UPP2: variants seen among roughly 807,000 people sequenced by gnomAD.
UPP2 encodes uridine phosphorylase 2, also known as UPase 2.
In UPP2, 23 loss-of-function variants were observed where a neutral mutation model predicts 26.7. That is an observed-to-expected ratio of 0.86 (90% confidence interval 0.62 to 1.22). The LOEUF is 1.22. Among genes scored for constraint, UPP2 ranks in the 50% most tolerant of loss-of-function variants. UPP2 has a pLI of 0.00. For synonymous variants in UPP2, 127 were observed against 141.3 expected (o/e 0.90, Z 0.72); for missense variants, 387 against 396.7 (o/e 0.98, Z 0.21).
intron 3 of UPP2, among the ~76,000 whole-genome samples, chr2:158,076,465 G>A (rs1682631545): frequency 6.6e-6 from 1 of 151,824 alleles, no homozygotes; most frequent in Non-Finnish European, 1.5e-5. Flanking sequence ...TTAAAAGACT[G>A]TTCATCATGA....
intron 3 of UPP2, among the ~76,000 whole-genome samples, chr2:158,041,467 G>A (rs1053173204): frequency 7.4e-6 from 1 of 135,962 alleles, no homozygotes; most frequent in African/African-American, 3.1e-5. Context: ...TTCCCCGAGA[G>A]TCTCTTTTAA....
At chr2:158,017,982 G>A (rs957206654) in intron 3 of UPP2, among the ~76,000 whole-genome samples, 1 of 152,088 alleles carries the variant, frequency 6.6e-6, no homozygotes, top group African/African-American at 2.4e-5. Flanking sequence ...ATACAGTTTG[G>A]TCTTTACCTT....
chr2:158,034,080 T>C (rs1683965065), intron 3 of UPP2, among the ~76,000 whole-genome samples: 1 of 152,200 alleles, frequency 6.6e-6, no homozygotes, highest in African/African-American at 2.4e-5. Flanking sequence ...AAGTGGATAC[T>C]TTTCAAGCTA....
At chr2:158,075,591 T>C (rs1230598652) in intron 3 of UPP2, among the ~76,000 whole-genome samples, 1 of 152,044 alleles carries the variant, frequency 6.6e-6, no homozygotes, top group Non-Finnish European at 1.5e-5. Context: ...GAATGACCAT[T>C]GGGTCAATGA....
chr2:158,075,403 C>A (rs1035963888), intron 3 of UPP2, among the ~76,000 whole-genome samples: 3 of 151,794 alleles, frequency 2.0e-5, no homozygotes, highest in African/African-American at 2.4e-5. Flanking sequence ...CATTTTTCTC[C>A]TCAGCATATC....
chr2:158,067,244 T>A (rs1682451205), intron 3 of UPP2, among the ~76,000 whole-genome samples: 1 of 152,060 alleles, frequency 6.6e-6, no homozygotes, highest in Admixed American at 6.6e-5. Flanking sequence ...CAACCATATA[T>A]TTATACTGTC....
At chr2:158,102,714 T>C (rs1683102280) in intron 1 of UPP2, among the ~76,000 whole-genome samples, 1 of 152,158 alleles carries the variant, frequency 6.6e-6, no homozygotes, top group Non-Finnish European at 1.5e-5. Context: ...TCATGAGGCA[T>C]AAGGAGATTT....
chr2:158,042,416 G>A (rs12996955), intron 3 of UPP2, among the ~76,000 whole-genome samples: 46,608 of 151,934 alleles, frequency 0.31, 8,518 homozygotes, highest in African/African-American at 0.52. Context: ...CACAGATGCC[G>A]CCCTTCCCCC....
At chr2:158,098,478 G>C (rs949149773), upstream of UPP2, among the ~76,000 whole-genome samples, 1 of 152,128 alleles carries the variant, frequency 6.6e-6, no homozygotes, top group African/African-American at 2.4e-5. Flanking sequence ...CTGCATCTCA[G>C]TGAGCGCATT....
At chr2:158,081,239 T>C (rs1164060908) in intron 3 of UPP2, among the ~76,000 whole-genome samples, 1 of 152,204 alleles carries the variant, frequency 6.6e-6, no homozygotes, top group African/African-American at 2.4e-5. Context: ...ATAGAGGATA[T>C]TTCTAATGCT....
chr2:158,015,546 T>C (rs1432900549), intron 2 of UPP2, among the ~76,000 whole-genome samples: 2 of 152,230 alleles, frequency 1.3e-5, no homozygotes, highest in Non-Finnish European at 1.5e-5. Flanking sequence ...GCTGTGAACA[T>C]GGATGTGCAA....
intron 1 of UPP2, among the ~76,000 whole-genome samples, chr2:158,104,917 AAAGGGAAGGGAAGGG>A (rs1216201245): frequency 1.0e-3 from 80 of 79,112 alleles, no homozygotes; most frequent in African/African-American, 2.7e-3. Context: ...CGAAACTCTG[AAAGGGAAGGGAAGGG>A]AAGGGAAGGG....
At chr2:158,047,977 A>AGT (rs1682058405) in intron 3 of UPP2, among the ~76,000 whole-genome samples, 1 of 152,038 alleles carries the variant, frequency 6.6e-6, no homozygotes, top group South Asian at 2.1e-4. Context: ...AAGTATGTAC[A>AGT]GTGAGCAGTC....
At chr2:158,123,364 C>T (rs1484311900) in intron 5 of UPP2, among the ~76,000 whole-genome samples, 8 of 139,406 alleles carry the variant, frequency 5.7e-5, no homozygotes, top group African/African-American at 1.9e-4. Context: ...CTTTTTTTTT[C>T]TCCCAGCACC....
upstream of UPP2, among the ~76,000 whole-genome samples, chr2:158,097,785 C>T (rs2105207268): frequency 6.6e-6 from 1 of 152,246 alleles, no homozygotes; most frequent in African/African-American, 2.4e-5. Context: ...GAAACACCCT[C>T]CAAAAAAGAG....
chr2:158,117,860 C>T lies in UPP2; in HGVS notation c.376C>T (p.His126Tyr). The T allele has an allele frequency of 6.2e-7, 1 of 1,613,094 alleles. No homozygotes were observed. Among genetic ancestry groups the T allele is most frequent in the Non-Finnish European group, 8.5e-7 (1 of 1,179,106 alleles). The change falls in exon 4 of 7, where the codon CAT (histidine) becomes TAT (tyrosine). Residue 126 changes from histidine to tyrosine, a missense_variant. Physicochemically the swap from His to Tyr is moderately conservative, Grantham distance 83. Transcript: ENST00000005756. ...MGIPSISIML[H>Y]ELIKLLHHAR... ...CATCCCCTCCATTTCTATTATGCTT[C>T]ATGAACTCATCAAATTACTCCACCA...
chr2:158,119,950 G>A (rs1007179050), intron 4 of UPP2, among the ~76,000 whole-genome samples: 1 of 151,256 alleles, frequency 6.6e-6, no homozygotes, highest in Non-Finnish European at 1.5e-5. Flanking sequence ...GGCAGAGACT[G>A]CAGTGAGCTG....
chr2:158,129,759 G>GTT (rs145206707), intron 6 of UPP2, among the ~76,000 whole-genome samples: 3 of 147,868 alleles, frequency 2.0e-5, no homozygotes, highest in African/African-American at 5.1e-5. Flanking sequence ...AGATAGGAAG[G>GTT]TTTTTTTTTG....
intron 3 of UPP2, among the ~76,000 whole-genome samples, chr2:158,084,174 ATTTTT>A (rs1304259780): frequency 6.6e-6 from 1 of 151,718 alleles, no homozygotes; most frequent in Non-Finnish European, 1.5e-5. Context: ...AACATTTATT[ATTTTT>A]TTATTTTTTA....
Sources: allele counts gnomAD v4.1 joint callset (sites outside exome capture counted in the v4.1 genomes callset), GRCh38; gene constraint gnomAD v4.1.1; transcripts MANE v1.5; gene names NCBI Gene and HGNC (gene_info 2026-07-23, HGNC 2026-07-21).